PCDHGA11: variants seen among roughly 807,000 people sequenced by gnomAD.
PCDHGA11 encodes the protein protocadherin gamma subfamily A, 11.
A neutral mutation model predicts 60.4 loss-of-function variants in PCDHGA11; 39 were observed. The observed-to-expected ratio is 0.65, with a 90% CI of 0.50 to 0.84. PCDHGA11 has a LOEUF of 0.84. Ranked by LOEUF, PCDHGA11 falls within the 40% of genes least tolerant of loss-of-function variation. The pLI is 0.00. For synonymous variants in PCDHGA11, 533 were observed against 510.3 expected, an observed-to-expected ratio of 1.04 and a Z score of -0.60; for missense variants, 1,165 against 1,197.7, an observed-to-expected ratio of 0.97 and a Z score of 0.40.
At chr5:141,427,966 T>C (rs1458559803) in intron 1 of PCDHGA11, 10 of 1,590,764 alleles carry the variant, frequency 6.3e-6, no homozygotes, top group African/African-American at 1.3e-5. Flanking sequence ...CCGCGGGTGC[T>C]GTACCCCGCG....
At chr5:141,470,112 G>T (rs1186184232) in intron 1 of PCDHGA11, among the ~76,000 whole-genome samples, 1 of 152,104 alleles carries the variant, frequency 6.6e-6, no homozygotes, top group Non-Finnish European at 1.5e-5. Flanking sequence ...CTGAGCAACA[G>T]AGCAAGACTT....
intron 1 of PCDHGA11, among the ~76,000 whole-genome samples, chr5:141,430,247 G>T (rs1003479541): frequency 9.7e-6 from 1 of 102,928 alleles, no homozygotes; most frequent in Non-Finnish European, 1.8e-5. Flanking sequence ...AACTCCTAGG[G>T]AGACATCTCC....
intron 1 of PCDHGA11, chr5:141,475,902 C>A (rs1296545944): frequency 1.7e-6 from 1 of 576,594 alleles, no homozygotes; most frequent in Non-Finnish European, 3.0e-6. Context: ...GTGCCGCTGT[C>A]GGCCAATGAA....
intron 1 of PCDHGA11, among the ~76,000 whole-genome samples, chr5:141,483,834 A>G (rs2154580001): frequency 6.6e-6 from 1 of 152,212 alleles, no homozygotes; most frequent in South Asian, 2.1e-4. Flanking sequence ...CTAGGTAAGG[A>G]CTTGGTTGAA....
intron 1 of PCDHGA11, chr5:141,478,305 C>T (rs775282798): frequency 2.5e-6 from 4 of 1,614,092 alleles, no homozygotes; most frequent in East Asian, 2.2e-5. Flanking sequence ...TACCGAGCCC[C>T]GGTGAGCTCA....
chr5:141,431,474 G>A lies in PCDHGA11; in HGVS notation c.2433+7814G>A, dbSNP rs747313827. 2 of 1,613,842 alleles carry A rather than the reference G, an allele frequency of 1.2e-6. No homozygotes were observed. Among genetic ancestry groups the A allele is most frequent in the East Asian group, 4.5e-5 (2 of 44,886 alleles). ...GATGGTTCTGGATGCGAACGACAACGCACCAGCGTTTGCTCAGCCCGAGTA... is the reference window on the plus strand; with the variant it reads ...GATGGTTCTGGATGCGAACGACAACACACCAGCGTTTGCTCAGCCCGAGTA... On this transcript the variant is annotated intron_variant, in intron 1 of 3. Coordinates refer to ENST00000398587, the MANE Select transcript of PCDHGA11 (RefSeq NM_018914.3). This position sits in a 1 kb window ranked among gnomAD's most constrained non-coding sequence, Gnocchi z 4.8.
intron 1 of PCDHGA11, chr5:141,492,079 G>A (rs1400390407): frequency 4.1e-6 from 2 of 486,168 alleles, no homozygotes; most frequent in African/African-American, 2.0e-5. Context: ...CGCCGGCTCC[G>A]GCACGCTTCG....
chr5:141,423,522 G>A lies in PCDHGA11; in HGVS notation c.2295G>A (p.Gln765=). 6.2e-7 allele frequency: 1 copy of A among 1,613,850 alleles called. No homozygotes were observed. Among genetic ancestry groups the A allele is most frequent in the South Asian group, 1.1e-5 (1 of 91,064 alleles). Residue 765 remains glutamine, a synonymous_variant, in exon 1 of 4, where the codon CAG becomes CAA. Transcript: ENST00000398587. ...SHEVSLIADS[Q]KSHLIFPQPN... is the part of the protein sequence containing the mutation. ...AGGTCTCTCTCATTGCGGACTCGCA[G>A]AAGAGTCACCTGATTTTCCCCCAGC... is the stretch of plus-strand genomic sequence containing the variant.
At position 141,421,949 on chromosome 5, in the gene PCDHGA11, C is replaced by T. The variant is rs749189262; in HGVS notation, c.722C>T (p.Pro241Leu). The T allele has an allele frequency of 6.2e-6, 10 of 1,612,856 alleles. No homozygotes were observed. Among genetic ancestry groups the T allele is most frequent in the Non-Finnish European group, 6.8e-6 (8 of 1,179,494 alleles). ...VVVLDVNDHI[P>L]MFTQSVYRVS... ...GTCCTCGATGTAAATGATCACATCC[C>T]AATGTTTACACAGTCCGTATATCGC... is the stretch of plus-strand genomic sequence containing the variant. Residue 241 changes from proline (P) to leucine (L), a missense_variant, in exon 1 of 4, where the codon CCA (proline) becomes CTA (leucine). Transcript: ENST00000398587.
rs1203945578 is a variant in PCDHGA11 at position 141,512,055 on chromosome 5, T to G, written c.*882T>G. 6.5e-6 allele frequency: 1 copy of G among 152,698 alleles called. No homozygotes were observed. The highest frequency in any genetic ancestry group is 1.5e-5 in the Non-Finnish European group (1 of 68,092). 9.5% of individuals were successfully genotyped at this position (152,698 alleles called of 1,614,324 possible). The stretch of plus-strand genomic sequence containing the variant: ...GAGGCTCTGTATGTCCTCAGGGGAC[T>G]GACAACATCCTCCAGATTCCAGCCA... On this transcript the variant is annotated 3_prime_UTR_variant, in exon 4 of 4. Transcript: ENST00000398587.
Position 141,487,631 on chromosome 5 carries a change from G to T in PCDHGA11, c.2434-7176G>T. Reference sequence around the variant, plus strand: ...TGGGCTAGAGGTGAGACCTTTGCAGGCTCAACAAATGCTTGAGGGTTATTC... The same window carrying T: ...TGGGCTAGAGGTGAGACCTTTGCAGTCTCAACAAATGCTTGAGGGTTATTC... On this transcript the variant is annotated intron_variant, in intron 1 of 3. Transcript: ENST00000398587. The surrounding 1 kb of genome is among the most constrained non-coding windows in gnomAD (Gnocchi z 5.0). The T allele has an allele frequency of 6.2e-7, 1 of 1,614,176 alleles. No individual in the cohort carries two copies. Among genetic ancestry groups the T allele is most frequent in the Non-Finnish European group, 8.5e-7 (1 of 1,180,032 alleles).
rs2099668037 is a variant in PCDHGA11 at position 141,487,853 on chromosome 5, T to C, written c.2434-6954T>C. The C allele has an allele frequency of 1.0e-6, 1 of 984,708 alleles. No individual in the cohort carries two copies. The allele number at this position is 984,708 out of a possible 1,614,324, so 61.0% of individuals were successfully genotyped here. The stretch of plus-strand genomic sequence containing the variant: ...CCTATATCTGAGTAAGAAATGAAAG[T>C]AATTGGTGATCAAGAGCCAGGCTGT... On this transcript the variant is annotated intron_variant, in intron 1 of 3. Transcript: ENST00000398587. The surrounding 1 kb of genome is among the most constrained non-coding windows in gnomAD (Gnocchi z 5.0).
rs746242389 is a variant in PCDHGA11 at position 141,491,254 on chromosome 5, G to C, written c.2434-3553G>C. 3 of 1,614,080 alleles carry C rather than the reference G, an allele frequency of 1.9e-6. No individual in the cohort carries two copies. In the African/African-American group the frequency reaches 4.0e-5, roughly 22 times the overall value. On this transcript the variant is annotated intron_variant, in intron 1 of 3. Transcript: ENST00000398587. This position sits in a 1 kb window ranked among gnomAD's most constrained non-coding sequence, Gnocchi z 6.9. ...GCTGGTTCTGGAGGATGAGGACCCT[G>C]AGGAAATGCCCAAATCCAGTGACTT...
chr5:141,448,834 A>G (rs910945659), intron 1 of PCDHGA11, among the ~76,000 whole-genome samples: 2 of 151,780 alleles, frequency 1.3e-5, no homozygotes, highest in African/African-American at 4.8e-5. Context: ...AGTCCCAGCT[A>G]CTCTGGAGGC....
chr5:141,464,402 G>GAT (rs1039725208), intron 1 of PCDHGA11, among the ~76,000 whole-genome samples: 22 of 150,720 alleles, frequency 1.5e-4, no homozygotes, highest in Admixed American at 7.3e-4. Context: ...AAGAACCTGA[G>GAT]ATATATATAT....
chr5:141,477,656 C>A lies in PCDHGA11; in HGVS notation c.2434-17151C>A. ...AGTGGGTCGCTATTTCACAATAAAT[C>A]GTGACAATGGCATAGTGTCATCCTT... On this transcript the variant is annotated intron_variant, in intron 1 of 3. Transcript: ENST00000398587. The surrounding 1 kb of genome is among the most constrained non-coding windows in gnomAD (Gnocchi z 4.9). 1 of 1,614,184 alleles carries A rather than the reference C, an allele frequency of 6.2e-7. No homozygotes were observed.
At chr5:141,451,812 C>T (rs974567828) in intron 1 of PCDHGA11, among the ~76,000 whole-genome samples, 1 of 149,686 alleles carries the variant, frequency 6.7e-6, no homozygotes, top group Non-Finnish European at 1.5e-5. Context: ...ACCCAGGAGG[C>T]GGAGGTTACA....
intron 1 of PCDHGA11, among the ~76,000 whole-genome samples, chr5:141,462,029 G>A (rs535977332): frequency 6.6e-6 from 1 of 152,260 alleles, no homozygotes; most frequent in East Asian, 1.9e-4. Context: ...CTTCATGTTG[G>A]TCAGGCGGGT....
intron 1 of PCDHGA11, among the ~76,000 whole-genome samples, chr5:141,481,913 C>CAAAA (rs34114744): frequency 1.1e-5 from 1 of 90,846 alleles, no homozygotes; most frequent in African/African-American, 4.2e-5. Context: ...AACTCCATCT[C>CAAAA]AAAAAAAAAA....
Sources: allele counts gnomAD v4.1 joint callset (sites outside exome capture counted in the v4.1 genomes callset), GRCh38; gene constraint gnomAD v4.1.1; non-coding constraint Gnocchi (gnomAD v3.1); transcripts MANE v1.5; gene names NCBI Gene and HGNC (gene_info 2026-07-23, HGNC 2026-07-21).